HLA-DQA1: variants seen among roughly 807,000 people sequenced by gnomAD.
The protein encoded by HLA-DQA1 is major histocompatibility complex, class II, DQ alpha 1.
A neutral mutation model predicts 20.7 loss-of-function variants in HLA-DQA1; 10 were observed. That is an observed-to-expected ratio of 0.48 (90% CI 0.30 to 0.82). HLA-DQA1 has a LOEUF of 0.82. Ranked by LOEUF, HLA-DQA1 falls within the 40% of genes least tolerant of loss-of-function variation. The pLI is 0.07. For missense variants in HLA-DQA1, 127 were observed against 293.0 expected (o/e 0.43, Z 4.14); for synonymous variants, 39 against 109.2 (o/e 0.36, Z 4.01).
At position 32,637,427 on chromosome 6, in the gene HLA-DQA1, A is replaced by G. The variant is rs200004305; in HGVS notation, c.-32A>G. On this transcript the variant is annotated 5_prime_UTR_variant, in exon 1 of 5. Transcript: ENST00000343139. ...CCTCACAATTACTCTACAGCTCAGA[A>G]CACCAACTGCTGAGGCTGCCTTGGG... 13,222 of 1,022,482 alleles carry G rather than the reference A, an allele frequency of 0.013. 1,010 individuals are homozygous for G. The highest frequency in any genetic ancestry group is 0.067 in the Admixed American group (2,190 of 32,870). The allele number at this position is 1,022,482 out of a possible 1,614,324, so 63.3% of individuals were successfully genotyped here.
chr6:32,644,638 T>C (rs1426883745), downstream of HLA-DQA1: 2 of 149,908 alleles, frequency 1.3e-5, no homozygotes, highest in Non-Finnish European at 3.0e-5. Context: ...AAAAGCACTT[T>C]TGTTTTTCTC....
the HLA-DQA1 span, among the ~76,000 whole-genome samples, chr6:32,652,780 A>G: frequency 6.6e-5 from 10 of 151,420 alleles, 1 homozygote; most frequent in African/African-American, 1.9e-4. Context: ...GACATTGCCC[A>G]TAGTTAAGGA....
At chr6:32,640,320 G>A (rs1781275492) in intron 1 of HLA-DQA1, among the ~76,000 whole-genome samples, 1 of 99,892 alleles carries the variant, frequency 1.0e-5, no homozygotes, top group African/African-American at 3.5e-5. Flanking sequence ...CACATCTCCG[G>A]CTATGTCTGA....
downstream of HLA-DQA1, chr6:32,647,206 G>A (rs1781997623): frequency 2.0e-5 from 2 of 100,848 alleles, 1 homozygote. Flanking sequence ...GGTGCCTCAT[G>A]CCTGTAATCC....
chr6:32,646,126 G>T (rs2003800), downstream of HLA-DQA1: 1 of 95,054 alleles, frequency 1.1e-5, no homozygotes, highest in Non-Finnish European at 2.3e-5. Context: ...AAAAATGTAG[G>T]GCCTACTATC....
chr6:32,644,816 C>T (rs1040957896), downstream of HLA-DQA1: 180 of 135,016 alleles, frequency 1.3e-3, 22 homozygotes, highest in African/African-American at 4.4e-3. Context: ...GTTTTCAACT[C>T]TCTAAGAGGG....
At position 32,641,439 on chromosome 6, in the gene HLA-DQA1, G is replaced by A; in HGVS notation, c.212G>A (p.Trp71Ter). The A allele has an allele frequency of 1.0e-6, 1 of 993,994 alleles. No individual in the cohort carries two copies. Among genetic ancestry groups the A allele is most frequent in the Non-Finnish European group, 1.4e-6 (1 of 724,226 alleles). The allele number at this position is 993,994 out of a possible 1,614,324, so 61.6% of individuals were successfully genotyped here. ...GAGAGGAAGGAGACTGCCTGGCGGT[G>A]GCCTGAGTTCAGCAAATTTGGAGGT... is the stretch of plus-strand genomic sequence containing the variant. ...DLERKETAWRWPEFSKFGGFD... is the reference protein window; with the variant it reads ...DLERKETAWR The change falls in exon 2 of 5, where the codon TGG becomes TAG. Residue 71 changes from tryptophan to a stop codon, truncating the protein, a stop_gained. Transcript: ENST00000343139. LOFTEE classifies it high-confidence loss of function.
rs555346918 is a variant in HLA-DQA1, at chr6:32,639,148, G to A, written c.82+1608G>A. On this transcript the variant is annotated intron_variant, in intron 1 of 4. Coordinates refer to ENST00000343139, the MANE Select transcript of HLA-DQA1 (RefSeq NM_002122.5). ...TTCCTTTCTTCAACCTCACACCAGA[G>A]TGCCCTGGTCAGGCTTGGCTCATTC... The A allele has an allele frequency of 3.4e-4, 76 of 221,848 alleles. 19 individuals carry two copies. Among genetic ancestry groups the A allele is most frequent in the Non-Finnish European group, 5.8e-4 (64 of 110,134 alleles). 13.7% of individuals were successfully genotyped at this position (221,848 alleles called of 1,614,324 possible).
Position 32,642,977 on chromosome 6 carries a change from A to T in HLA-DQA1, c.*46A>T. On this transcript the variant is annotated 3_prime_UTR_variant, in exon 5 of 5. Transcript: ENST00000343139. ...GTGCATCGCCATCTACAGGAGCAGA[A>T]GAATGGACTTGCTAAATGACCTAGC... is the stretch of plus-strand genomic sequence containing the variant. The T allele has an allele frequency of 2.1e-6, 1 of 481,212 alleles. No homozygotes were observed. The highest frequency in any genetic ancestry group is 3.8e-6 in the Non-Finnish European group (1 of 265,418). 29.8% of individuals were successfully genotyped at this position (481,212 alleles called of 1,614,324 possible).
At chr6:32,640,689 A>G (rs1466415306) in intron 1 of HLA-DQA1, among the ~76,000 whole-genome samples, 2 of 116,314 alleles carry the variant, frequency 1.7e-5, no homozygotes. Context: ...CCTTAGAAGG[A>G]GGCATTGTTT....
chr6:32,648,887 C>T (rs112133369), downstream of HLA-DQA1, among the ~76,000 whole-genome samples: 2 of 96,936 alleles, frequency 2.1e-5, 1 homozygote, highest in Non-Finnish European at 4.6e-5. Flanking sequence ...AAAAGCCCAT[C>T]GTCTCAGCCC....
the HLA-DQA1 span, among the ~76,000 whole-genome samples, chr6:32,653,199 A>G: frequency 0.33 from 22,435 of 67,834 alleles, 5,118 homozygotes; most frequent in Middle Eastern, 0.48. Flanking sequence ...CAACAGAAAC[A>G]GTGTTCTAGT....
chr6:32,637,726 A>G (rs1401024894), intron 1 of HLA-DQA1, among the ~76,000 whole-genome samples, 186 bp downstream of exon 1: 1 of 105,454 alleles, frequency 9.5e-6, no homozygotes, highest in Non-Finnish European at 2.1e-5. Context: ...TTTGTTATCT[A>G]TGCTGTTGTG....
In HLA-DQA1 at chr6:32,638,699, GAGGAAGGA is replaced by G. The variant is rs34024030; in HGVS notation, c.82+1172_82+1179del. ...CTCAAAAAGAAAGAGGAAAGAAAGC[GAGGAAGGA>G]AGGAAGGAAGGAGAAGGAAGGAAGG... On this transcript the variant is annotated intron_variant, in intron 1 of 4. Coordinates refer to ENST00000343139, the MANE Select transcript of HLA-DQA1 (RefSeq NM_002122.5). Among the ~76,000 whole-genome samples the G allele has an allele frequency of 2.1e-4, 16 of 76,754 alleles. 6 individuals carry two copies. The highest frequency in any genetic ancestry group is 1.1e-3 in the Admixed American group (6 of 5,574). The allele number at this position is 76,754 out of a possible 152,430, so 50.4% of individuals were successfully genotyped here.
Position 32,642,150 on chromosome 6 carries a change from C to T in HLA-DQA1, c.510C>T (p.Ser170=). ...GCTTCCTCTCCAAGAGTGATCATTC[C>T]TTCTTCAAGATCAGTTACCTCACCT... ...ETSFLSKSDH[S]FFKISYLTFL... is the part of the protein sequence containing the mutation. The change falls in exon 3 of 5, where the codon TCC becomes TCT. Residue 170 remains serine, a synonymous_variant. Transcript: ENST00000343139. 7.0e-7 allele frequency: 1 copy of T among 1,431,952 alleles called. No homozygotes were observed. 88.7% of individuals were successfully genotyped at this position (1,431,952 alleles called of 1,614,324 possible). A position where few individuals can be genotyped will look rare whatever the true frequency, so the allele number is the denominator to read the frequency against.
chr6:32,647,466 G>C (rs112061353), downstream of HLA-DQA1, among the ~76,000 whole-genome samples: 15,326 of 43,318 alleles, frequency 0.35, 5,808 homozygotes, highest in South Asian at 0.61. Flanking sequence ...AAGACTCTGT[G>C]AAAAAACAAA....
chr6:32,642,794 A>T lies in HLA-DQA1; in HGVS notation c.*20+10A>T. On this transcript the variant is annotated intron_variant, in intron 4 of 4. Coordinates refer to ENST00000343139, the MANE Select transcript of HLA-DQA1 (RefSeq NM_002122.5). ...CATCCTGGAAGGGAAGGTAAGATTGAGACTGGTTACAGTTGAAGCGGCAGT... is the reference window on the plus strand; with the variant it reads ...CATCCTGGAAGGGAAGGTAAGATTGTGACTGGTTACAGTTGAAGCGGCAGT... 9.3e-7 allele frequency: 1 copy of T among 1,077,774 alleles called. No individual in the cohort carries two copies. The highest frequency in any genetic ancestry group is 2.6e-4 in the Middle Eastern group (1 of 3,804). 66.8% of individuals were successfully genotyped at this position (1,077,774 alleles called of 1,614,324 possible).
rs1292406059 is a variant in HLA-DQA1, at chr6:32,642,146, A to T, written c.506A>T (p.His169Leu). The T allele has an allele frequency of 7.0e-7, 1 of 1,423,090 alleles. No homozygotes were observed. The highest frequency in any genetic ancestry group is 2.5e-5 in the East Asian group (1 of 39,678). 88.2% of individuals were successfully genotyped at this position (1,423,090 alleles called of 1,614,324 possible). A position where few individuals can be genotyped will look rare whatever the true frequency, so the allele number is the denominator to read the frequency against. Residue 169 changes from histidine (H) to leucine (L), a missense_variant, in exon 3 of 5, where the codon CAT becomes CTT. Around this residue, in one of 4 missense-constraint regions of HLA-DQA1, gnomAD observed 46 missense variants for 152.1 expected, o/e 0.30. Transcript: ENST00000343139. ...ACCAGCTTCCTCTCCAAGAGTGATC[A>T]TTCCTTCTTCAAGATCAGTTACCTC... Reference protein sequence around the residue: ...SETSFLSKSDHSFFKISYLTF... With the variant: ...SETSFLSKSDLSFFKISYLTF...
chr6:32,644,217 G>A (rs1489957448), downstream of HLA-DQA1: 2 of 80,316 alleles, frequency 2.5e-5, no homozygotes, highest in East Asian at 9.1e-4. Context: ...AGAGGAAATG[G>A]GTCAGCAGCG....
Sources: allele counts gnomAD v4.1 joint callset (sites outside exome capture counted in the v4.1 genomes callset), GRCh38; gene constraint gnomAD v4.1.1; regional missense constraint gnomAD v4.1.1; transcripts MANE v1.5; gene names NCBI Gene and HGNC (gene_info 2026-07-23, HGNC 2026-07-21).